The following MARCHF6 variants were observed in gnomAD, a reference collection of about 807,000 sequenced individuals.
The protein encoded by MARCHF6 is membrane associated ring-CH-type finger 6, also known as E3 ubiquitin-protein ligase MARCHF6.
MARCHF6 carries 31 observed loss-of-function variants against 133.7 expected under a neutral mutation model. The ratio of observed to expected loss-of-function variants is 0.23; its 90% CI spans 0.17 to 0.31. The LOEUF is 0.31. Among genes scored for constraint, MARCHF6 ranks in the 10% least tolerant of loss-of-function variants. The pLI is 1.00. For synonymous variants in MARCHF6, 395 were observed against 402.5 expected (o/e 0.98, Z 0.22); for missense variants, 723 against 1,121.6 (o/e 0.64, Z 5.08).
At chr5:10,380,730 A>G (rs1237530372) in intron 3 of MARCHF6, among the ~76,000 whole-genome samples, 1 of 152,112 alleles carries the variant, frequency 6.6e-6, no homozygotes, top group East Asian at 1.9e-4. Context: ...GTTTGAGGCT[A>G]GCCTGGCCAA....
intron 24 of MARCHF6, among the ~76,000 whole-genome samples, chr5:10,429,352 A>T (rs1740252237): frequency 6.6e-6 from 1 of 150,790 alleles, no homozygotes; most frequent in Non-Finnish European, 1.5e-5. Flanking sequence ...TGTATCAATG[A>T]CACCACTGCT....
At chr5:10,385,557 A>C (rs1380871286) in intron 4 of MARCHF6, among the ~76,000 whole-genome samples, 5 of 152,222 alleles carry the variant, frequency 3.3e-5, no homozygotes, top group Non-Finnish European at 7.3e-5. Flanking sequence ...GCACTACTAC[A>C]AGAGATAAAT....
intron 1 of MARCHF6, among the ~76,000 whole-genome samples, chr5:10,368,633 G>A (rs2567590): frequency 0.056 from 8,545 of 152,188 alleles, 571 homozygotes; most frequent in African/African-American, 0.16. Context: ...AGGCTTGAGT[G>A]CAGTGGCGTC....
Position 10,435,101 on chromosome 5 carries a change from A to C in MARCHF6, c.*1417A>C, listed in dbSNP as rs1740540816. On this transcript the variant is annotated 3_prime_UTR_variant, in exon 26 of 26. Transcript: ENST00000274140. ...TAGAAAGCGTATAACATAGGTCTTC[A>C]GAAACTATAAAAGAATTTTCATATA... 1 of 152,674 alleles carries C rather than the reference A, an allele frequency of 6.5e-6. No homozygotes were observed. The highest frequency in any genetic ancestry group is 2.1e-4 in the South Asian group (1 of 4,836). The allele number at this position is 152,674 out of a possible 1,614,324, so 9.5% of individuals were successfully genotyped here.
At chr5:10,409,731 T>G (rs146979788) in intron 17 of MARCHF6, among the ~76,000 whole-genome samples, 2,980 of 152,214 alleles carry the variant, frequency 0.02, 46 homozygotes, top group Non-Finnish European at 0.029. Flanking sequence ...GATAATGCAA[T>G]GATCCTGGTG....
At position 10,390,341 on chromosome 5, in the gene MARCHF6, G is replaced by A. The variant is rs747907503; in HGVS notation, c.417G>A (p.Leu139=). 18 of 1,604,386 alleles carry A rather than the reference G, an allele frequency of 1.1e-5. No homozygotes were observed. The African/African-American group carries it at 2.3e-4, about 21-fold the overall frequency. Reference sequence around the variant, plus strand: ...CTTTTTTTTTTAATAGGGAAAATTTGTTGGCAGATTGTTTGCAGGGTTGTT... The same window carrying A: ...CTTTTTTTTTTAATAGGGAAAATTTATTGGCAGATTGTTTGCAGGGTTGTT... The part of the protein sequence containing the change: ...LPLDMLSTEN[L]LADCLQGCFV... The change falls in exon 6 of 26, where the codon TTG becomes TTA. Residue 139 remains leucine, a synonymous_variant. Transcript: ENST00000274140.
At chr5:10,419,612 C>CTTTTTT (rs148493492) in intron 22 of MARCHF6, among the ~76,000 whole-genome samples, 1 of 139,422 alleles carries the variant, frequency 7.2e-6, no homozygotes, top group Non-Finnish European at 1.6e-5. Context: ...AAAGAGCTAC[C>CTTTTTT]TTTTTTTTTT....
chr5:10,415,202 C>G (rs771945415), intron 20 of MARCHF6, among the ~76,000 whole-genome samples: 2 of 152,296 alleles, frequency 1.3e-5, no homozygotes, highest in South Asian at 4.1e-4. Context: ...TTAATTCCCT[C>G]AAAAGCTTTT....
At chr5:10,405,065 G>C (rs548533643) in intron 15 of MARCHF6, among the ~76,000 whole-genome samples, 1 of 152,174 alleles carries the variant, frequency 6.6e-6, no homozygotes, top group East Asian at 1.9e-4. Flanking sequence ...TAGAAGTTTG[G>C]GCAGATTAGA....
chr5:10,405,719 G>A (rs1047633836), intron 16 of MARCHF6, 42 bp downstream of exon 16: 46 of 1,542,502 alleles, frequency 3.0e-5, no homozygotes, highest in African/African-American at 5.7e-5. Context: ...TGAATTAATT[G>A]TGCTAACCTA....
intron 1 of MARCHF6, among the ~76,000 whole-genome samples, chr5:10,370,235 G>A (rs1366393399): frequency 2.0e-5 from 3 of 150,780 alleles, no homozygotes; most frequent in South Asian, 2.1e-4. Flanking sequence ...TGAGTAGCTG[G>A]GACTACAAGC....
chr5:10,374,798 G>A (rs1014279919), intron 1 of MARCHF6, among the ~76,000 whole-genome samples: 4 of 152,232 alleles, frequency 2.6e-5, no homozygotes, highest in African/African-American at 4.8e-5. Context: ...GAGCCCTTTG[G>A]GTCGTGGTAG....
chr5:10,429,590 A>G (rs1450051707), intron 24 of MARCHF6, among the ~76,000 whole-genome samples: 1 of 152,064 alleles, frequency 6.6e-6, no homozygotes, highest in East Asian at 1.9e-4. Flanking sequence ...TGGTAGAGAC[A>G]GGGTTTTACC....
intron 1 of MARCHF6, among the ~76,000 whole-genome samples, chr5:10,372,856 G>A (rs1397190944): frequency 6.6e-6 from 1 of 151,994 alleles, no homozygotes; most frequent in African/African-American, 2.4e-5. Flanking sequence ...ATCTCATGTA[G>A]CCTCTAGAAA....
intron 1 of MARCHF6, 148 bp downstream of exon 1, chr5:10,354,065 G>A: frequency 1.4e-6 from 1 of 714,374 alleles, no homozygotes; most frequent in Non-Finnish European, 2.0e-6. Flanking sequence ...TCTGGGCCGG[G>A]GAGCGGAAGG....
chr5:10,390,609 G>A, intron 6 of MARCHF6, 109 bp downstream of exon 6: 1 of 1,100,752 alleles, frequency 9.1e-7, no homozygotes, highest in African/African-American at 1.6e-5. Context: ...ACATTCTTTT[G>A]TTATTACAAA....
At chr5:10,366,387 G>A (rs532778898) in intron 1 of MARCHF6, among the ~76,000 whole-genome samples, 27 of 152,194 alleles carry the variant, frequency 1.8e-4, no homozygotes, top group Non-Finnish European at 3.4e-4. Context: ...GCTACTAATT[G>A]TAAAAATTTT....
chr5:10,422,346 TAACTG>T (rs1011395324), intron 22 of MARCHF6, among the ~76,000 whole-genome samples: 5 of 152,164 alleles, frequency 3.3e-5, no homozygotes, highest in Admixed American at 6.5e-5. Flanking sequence ...GGAGAAAATT[TAACTG>T]AATTGAAGAA....
At chr5:10,415,466 T>A in intron 20 of MARCHF6, 22 bp from the exon 21 acceptor site, 1 of 1,601,912 alleles carries the variant, frequency 6.2e-7, no homozygotes. Flanking sequence ...CATGTCTCAT[T>A]TATCAGCTTT....
Sources: gnomAD v4.1 joint callset for allele counts (sites outside exome capture counted in the v4.1 genomes callset) on GRCh38, gnomAD v4.1.1 for gene constraint, MANE v1.5 for transcripts, NCBI Gene and HGNC (gene_info 2026-07-23, HGNC 2026-07-21) for gene names.